Variants in MUC5B observed in about 807,000 individuals in gnomAD.
MUC5B encodes the protein mucin 5B, oligomeric mucus/gel-forming, also known as mucin-5B.
A neutral mutation model predicts 376.9 loss-of-function variants in MUC5B; 116 were observed. That is an observed-to-expected ratio of 0.31 (90% CI 0.26 to 0.36). MUC5B has a LOEUF of 0.36. Ranked by LOEUF, MUC5B falls within the 10% of genes least tolerant of loss-of-function variation. MUC5B has a pLI of 1.00. For missense variants in MUC5B, 7,165 were observed against 7,769.9 expected (o/e 0.92, Z 2.93); for synonymous variants, 3,517 against 3,390.9 (o/e 1.04, Z -1.29).
At position 1,233,788 on chromosome 11, in the gene MUC5B, T is replaced by C; in HGVS notation, c.2322-5T>C. On this transcript the variant is annotated splice_region_variant and splice_polypyrimidine_tract_variant and intron_variant, in intron 18 of 48. Transcript: ENST00000529681. ...GATCCAGGCTGTGCCGTCTGTCTCT[T>C]GTAGTTCATGTACGGGTGGGAAGCT... 17 of 1,603,494 alleles carry C rather than the reference T, an allele frequency of 1.1e-5. No individual in the cohort carries two copies. Among genetic ancestry groups the C allele is most frequent in the Non-Finnish European group, 1.4e-5 (17 of 1,175,650 alleles).
rs370309335 is a variant in MUC5B, at chr11:1,237,026, C to T, written c.3159C>T (p.Asn1053=). Residue 1053 remains asparagine (N), a synonymous_variant, in exon 25 of 49, where the codon AAC becomes AAT. Coordinates refer to ENST00000529681, the MANE Select transcript of MUC5B (RefSeq NM_002458.3). The part of the protein sequence containing the change: ...SVVGDALEFG[N]SWKLSPSCPD... ...TGGGGGACGCACTGGAGTTTGGGAA[C>T]AGCTGGAAGCTCTCCCCCTCCTGCC... is the stretch of plus-strand genomic sequence containing the variant. 6.3e-6 allele frequency: 10 copies of T among 1,576,208 alleles called. No homozygotes were observed. In the African/African-American group the frequency reaches 1.1e-4, roughly 17 times the overall value.
rs932633546 is a variant in MUC5B, at chr11:1,225,801, G to A, written c.127+64G>A. The A allele has an allele frequency of 3.4e-6, 5 of 1,491,572 alleles. No individual in the cohort carries two copies. In the South Asian group the frequency reaches 3.6e-5, roughly 11 times the overall value. The allele number at this position is 1,491,572 out of a possible 1,614,324, so 92.4% of individuals were successfully genotyped here. On this transcript the variant is annotated intron_variant, in intron 2 of 48. Transcript: ENST00000529681. ...GGCTGGAGGGGCTGGAATTTGGGCT[G>A]GGGCAGGCAGACGCCTCTCCAAGCA... is the stretch of plus-strand genomic sequence containing the variant.
rs890493501 is a variant in MUC5B, at chr11:1,253,612, G to A, written c.15218-480G>A. The stretch of plus-strand genomic sequence containing the variant: ...GGAGCTGGAAGTCTGAGATCCAGGC[G>A]GGCAGGGGATAGACTCCCTGCTGAG... On this transcript the variant is annotated intron_variant, in intron 33 of 48. Coordinates refer to ENST00000529681, the MANE Select transcript of MUC5B (RefSeq NM_002458.3). This position sits in a 1 kb window ranked among gnomAD's most constrained non-coding sequence, Gnocchi z 4.3. 2.0e-5 allele frequency among the ~76,000 whole-genome samples: 3 copies of A among 152,274 alleles called. No individual in the cohort carries two copies. Among genetic ancestry groups the A allele is most frequent in the South Asian group, 2.1e-4 (1 of 4,820 alleles).
Position 1,231,997 on chromosome 11 carries a change from C to A in MUC5B, c.1680C>A (p.Gly560=). ...LDPAHQGQMC[G]LCGNFNQNQA... is the part of the protein sequence containing the mutation. ...ACATCCCCCAACCCTGGCCCCCAGG[C>A]CTGTGTGGGAACTTCAACCAGAACC... Residue 560 remains glycine, a splice_region_variant and synonymous_variant, in exon 15 of 49, where the codon GGC becomes GGA. Transcript: ENST00000529681. 6.2e-7 allele frequency: 1 copy of A among 1,612,646 alleles called. No homozygotes were observed. The highest frequency in any genetic ancestry group is 1.1e-5 in the South Asian group (1 of 91,080).
chr11:1,252,525 G>A lies in MUC5B; in HGVS notation c.15045+1G>A. Reference sequence around the variant, plus strand: ...TGACAATGCCATCCCTCTCCGGCAGGTGGGCCCCGCCTGCCCTCCACCTCC... The same window carrying A: ...TGACAATGCCATCCCTCTCCGGCAGATGGGCCCCGCCTGCCCTCCACCTCC... On this transcript the variant is annotated splice_donor_variant, in intron 32 of 48. Transcript: ENST00000529681. LOFTEE classifies it high-confidence loss of function. 6.5e-7 allele frequency: 1 copy of A among 1,541,522 alleles called. No homozygotes were observed. Among genetic ancestry groups the A allele is most frequent in the Non-Finnish European group, 8.7e-7 (1 of 1,143,400 alleles).
intron 26 of MUC5B, 91 bp downstream of exon 26, chr11:1,239,118 C>A: frequency 6.9e-7 from 1 of 1,451,810 alleles, no homozygotes; most frequent in Non-Finnish European, 9.4e-7. Context: ...TTGACCTGGG[C>A]CTGAGCCGCA....
At position 1,243,261 on chromosome 11, in the gene MUC5B, T is replaced by G. The variant is rs1232818160; in HGVS notation, c.6381T>G (p.Ser2127Arg). 23 of 1,554,262 alleles carry G rather than the reference T, an allele frequency of 1.5e-5. No homozygotes were observed. In the African/African-American group the frequency reaches 3.2e-4, roughly 22 times the overall value. ...CACCCTCCTCTAGCACACAGACCAG[T>G]GGTACTCCCCCATCACTGACCACCA... The part of the protein sequence containing the change: ...MATPSSSTQT[S>R]GTPPSLTTTA... Residue 2127 changes from serine (S) to arginine (R), a missense_variant, in exon 31 of 49, where the codon AGT becomes AGG. By Grantham distance (110) the Ser-to-Arg change is moderately radical. Around this residue, in one of 31 missense-constraint regions of MUC5B, gnomAD observed 897 missense variants for 779.6 expected, o/e 1.15. Coordinates refer to ENST00000529681, the MANE Select transcript of MUC5B (RefSeq NM_002458.3).
Position 1,233,848 on chromosome 11 carries a change from G to C in MUC5B, c.2377G>C (p.Gly793Arg). Residue 793 changes from glycine to arginine, a missense_variant and splice_region_variant, in exon 19 of 49, where the codon GGG becomes CGG. Physicochemically the swap from Gly to Arg is moderately radical, Grantham distance 125 (BLOSUM62 -2). Coordinates refer to ENST00000529681, the MANE Select transcript of MUC5B (RefSeq NM_002458.3). ...GGGAGCCTCTCTGCAGAAAAGCACAGGTAAGTGCCACCCCTGCCCTGCCCT... is the reference window on the plus strand; with the variant it reads ...GGGAGCCTCTCTGCAGAAAAGCACACGTAAGTGCCACCCCTGCCCTGCCCT... ...CLGASLQKST[G>R]CAAPMVYLDC... 6.3e-7 allele frequency: 1 copy of C among 1,597,228 alleles called. No homozygotes were observed. The highest frequency in any genetic ancestry group is 8.5e-7 in the Non-Finnish European group (1 of 1,173,356).
chr11:1,230,788 G>A (rs1310206849), intron 12 of MUC5B, 148 bp from the exon 13 acceptor site: 4 of 1,017,610 alleles, frequency 3.9e-6, no homozygotes, highest in East Asian at 2.6e-5. Context: ...TCCCGGGGGG[G>A]CAATTGCAGA....
intron 1 of MUC5B, among the ~76,000 whole-genome samples, chr11:1,225,165 G>A (rs1861851924): frequency 6.6e-6 from 1 of 152,248 alleles, no homozygotes; most frequent in Admixed American, 6.5e-5. Flanking sequence ...TTAGGATCTA[G>A]TTCGAAACTG....
At position 1,224,470 on chromosome 11, in the gene MUC5B, G is replaced by T. The variant is rs184579431; in HGVS notation, c.71-1211G>T. ...CCTGGGCAGGGGAGGGGCTGCCTGG[G>T]GGGGAGGGGTTGCCTGGGTTGGGGA... is the stretch of plus-strand genomic sequence containing the variant. On this transcript the variant is annotated intron_variant, in intron 1 of 48. Transcript: ENST00000529681. Among the ~76,000 whole-genome samples, 513 of 150,152 alleles carry T rather than the reference G, an allele frequency of 3.4e-3. 2 individuals carry two copies. Among genetic ancestry groups the T allele is most frequent in the Non-Finnish European group, 4.6e-3 (312 of 67,252 alleles).
In MUC5B at chr11:1,244,437, A is replaced by C. The variant is rs1364854088; in HGVS notation, c.7557A>C (p.Ala2519=). ...CTCCCTTCTCCAGTCCAGGGACTGCAACCGCCCTTCCAGCACTGAGAAGCA... is the reference window on the plus strand; with the variant it reads ...CTCCCTTCTCCAGTCCAGGGACTGCCACCGCCCTTCCAGCACTGAGAAGCA... ...KATPFSSPGT[A]TALPALRSTA... is the part of the protein sequence containing the mutation. Residue 2519 remains alanine, a synonymous_variant, in exon 31 of 49, where the codon GCA becomes GCC. Transcript: ENST00000529681. The C allele has an allele frequency of 6.2e-7, 1 of 1,605,906 alleles. No individual in the cohort carries two copies. Among genetic ancestry groups the C allele is most frequent in the Admixed American group, 1.7e-5 (1 of 59,744 alleles).
chr11:1,242,852 C>G lies in MUC5B; in HGVS notation c.5972C>G (p.Thr1991Ser). 6.2e-7 allele frequency: 1 copy of G among 1,613,340 alleles called. No individual in the cohort carries two copies. Among genetic ancestry groups the G allele is most frequent in the Non-Finnish European group, 8.5e-7 (1 of 1,179,608 alleles). ...TPIPSSSLGTTWTRLSQTTTP... is the reference protein window; with the variant it reads ...TPIPSSSLGTSWTRLSQTTTP... ...ATCCCCTCTTCCTCCCTGGGCACCA[C>G]CTGGACCCGCCTATCACAGACCACC... Residue 1991 changes from threonine to serine, a missense_variant, in exon 31 of 49, where the codon ACC (threonine) becomes AGC (serine). Physicochemically the swap from Thr to Ser is moderately conservative, Grantham distance 58. Transcript: ENST00000529681.
chr11:1,223,582 C>T (rs56230923), intron 1 of MUC5B, among the ~76,000 whole-genome samples: 4 of 152,156 alleles, frequency 2.6e-5, no homozygotes, highest in African/African-American at 4.8e-5. Flanking sequence ...GCAGGCTTAG[C>T]GTGGACCCCT....
chr11:1,241,955 C>G lies in MUC5B; in HGVS notation c.5075C>G (p.Thr1692Ser), dbSNP rs201139728. 1.2e-4 allele frequency: 197 copies of G among 1,605,186 alleles called. No homozygotes were observed. The highest frequency in any genetic ancestry group is 1.5e-4 in the Non-Finnish European group (171 of 1,176,300). ...ACTGTCCCAGGGGTGGCCACATCCA[C>G]CCTTCCAACACGCTCAGCCCTTCCA... ...EPTVPGVATS[T>S]LPTRSALPGT... Residue 1692 changes from threonine (T) to serine (S), a missense_variant, in exon 31 of 49, where the codon ACC becomes AGC. Physicochemically the swap from Thr to Ser is moderately conservative, Grantham distance 58. Transcript: ENST00000529681.
chr11:1,257,455 G>T lies in MUC5B; in HGVS notation c.16270-75G>T. On this transcript the variant is annotated intron_variant, in intron 40 of 48. Transcript: ENST00000529681. This position sits in a 1 kb window ranked among gnomAD's most constrained non-coding sequence, Gnocchi z 8.9. Reference sequence around the variant, plus strand: ...CACTCGGGTACCAGCCCGAGGGAGGGGGTGGCTGGACAGATGCCCAGGGTT... The same window carrying T: ...CACTCGGGTACCAGCCCGAGGGAGGTGGTGGCTGGACAGATGCCCAGGGTT... 6.5e-7 allele frequency: 1 copy of T among 1,543,932 alleles called. No homozygotes were observed.
In MUC5B at chr11:1,254,054, C is replaced by G. The variant is rs779846651; in HGVS notation, c.15218-38C>G. 6 of 1,593,238 alleles carry G rather than the reference C, an allele frequency of 3.8e-6. No individual in the cohort carries two copies. In the South Asian group the frequency reaches 6.7e-5, roughly 18 times the overall value. ...TGACGCCTGGGGAGCGAGGGCACCA[C>G]CACGGAGCCTGCCAGCCCGTCCATC... is the stretch of plus-strand genomic sequence containing the variant. On this transcript the variant is annotated intron_variant, in intron 33 of 48. Coordinates refer to ENST00000529681, the MANE Select transcript of MUC5B (RefSeq NM_002458.3).
At chr11:1,229,324 G>C in intron 9 of MUC5B, 29 bp downstream of exon 9, 1 of 1,519,898 alleles carries the variant, frequency 6.6e-7, no homozygotes, top group African/African-American at 1.4e-5. Context: ...GAACCCCTCA[G>C]GGGGCTTTCA....
Position 1,243,052 on chromosome 11 carries a change from G to T in MUC5B, c.6172G>T (p.Gly2058Cys). ...CAAAGTGCCAACTACCACAACCACGGGCTTCACAGCCACCCCCTCCTCCAG... is the reference window on the plus strand; with the variant it reads ...CAAAGTGCCAACTACCACAACCACGTGCTTCACAGCCACCCCCTCCTCCAG... ...TTKVPTTTTTGFTATPSSSPG... is the reference protein window; with the variant it reads ...TTKVPTTTTTCFTATPSSSPG... Residue 2058 changes from glycine to cysteine, a missense_variant, in exon 31 of 49, where the codon GGC becomes TGC. By Grantham distance (159) the Gly-to-Cys change is radical. Around this residue, in one of 31 missense-constraint regions of MUC5B, gnomAD observed 897 missense variants for 779.6 expected, o/e 1.15. Transcript: ENST00000529681. 1 of 1,606,834 alleles carries T rather than the reference G, an allele frequency of 6.2e-7. No individual in the cohort carries two copies. The highest frequency in any genetic ancestry group is 1.1e-5 in the South Asian group (1 of 90,824).
Sources: allele counts gnomAD v4.1 joint callset (sites outside exome capture counted in the v4.1 genomes callset), GRCh38; gene constraint gnomAD v4.1.1; regional missense constraint gnomAD v4.1.1; non-coding constraint Gnocchi (gnomAD v3.1); transcripts MANE v1.5; gene names NCBI Gene and HGNC (gene_info 2026-07-23, HGNC 2026-07-21).